Variants in PIEZO1 observed in about 807,000 individuals in gnomAD.
The protein encoded by PIEZO1 is piezo type mechanosensitive ion channel component 1 (Er blood group), also known as piezo-type mechanosensitive ion channel component 1.
PIEZO1 carries 296 observed loss-of-function variants against 297.2 expected under a neutral mutation model. That is an observed-to-expected ratio of 1.00 (90% confidence interval 0.91 to 1.10). PIEZO1 has a LOEUF of 1.10. PIEZO1 is among the 50% of genes least tolerant of loss of function. PIEZO1 has a pLI of 0.00. For synonymous variants in PIEZO1, 2,427 were observed against 1,507.5 expected, an observed-to-expected ratio of 1.61 and a Z score of -14.13; for missense variants, 5,018 against 3,455.5, an observed-to-expected ratio of 1.45 and a Z score of -11.34.
At position 88,735,888 on chromosome 16, in the gene PIEZO1, G is replaced by A. The variant is rs551049384; in HGVS notation, c.1557+260C>T. 7.2e-5 allele frequency among the ~76,000 whole-genome samples: 11 copies of A among 152,208 alleles called. No individual in the cohort carries two copies. In the East Asian group the frequency reaches 1.2e-3, roughly 16 times the overall value. ...GTGTCGGGGCACAGGGGTGGTGCCCGTGCCAACAGAGCCCACGCTCACACA... is the reference window on the plus strand; with the variant it reads ...GTGTCGGGGCACAGGGGTGGTGCCCATGCCAACAGAGCCCACGCTCACACA... On this transcript the variant is annotated intron_variant, in intron 12 of 50. Transcript: ENST00000301015.
chr16:88,732,212 C>T, intron 21 of PIEZO1, 123 bp downstream of exon 21: 1 of 817,774 alleles, frequency 1.2e-6, no homozygotes, highest in Non-Finnish European at 2.0e-6. Flanking sequence ...CCCTGAGTCC[C>T]CCACCCTCTG....
At chr16:88,771,092 G>A (rs1278506296) in intron 1 of PIEZO1, among the ~76,000 whole-genome samples, 1 of 152,192 alleles carries the variant, frequency 6.6e-6, no homozygotes, top group Admixed American at 6.5e-5. Flanking sequence ...TCTCAGTCCC[G>A]GAGAGCCAGA....
chr16:88,737,447 A>C, intron 10 of PIEZO1, 112 bp downstream of exon 10: 1 of 690,298 alleles, frequency 1.4e-6, no homozygotes, highest in Non-Finnish European at 2.4e-6. Flanking sequence ...AGGGGGCGGC[A>C]GGCAGAGGTG....
chr16:88,722,540 C>T (rs544240394), intron 35 of PIEZO1, 43 bp downstream of exon 35: 21 of 1,454,382 alleles, frequency 1.4e-5, no homozygotes, highest in Admixed American at 1.4e-4. Context: ...GATGCCCACA[C>T]ACCAGGGGCA....
At chr16:88,762,473 G>A (rs1376219278) in intron 1 of PIEZO1, among the ~76,000 whole-genome samples, 2 of 152,172 alleles carry the variant, frequency 1.3e-5, no homozygotes, top group Non-Finnish European at 2.9e-5. Flanking sequence ...CCCGGGGACG[G>A]CAGGACCCCC....
intron 2 of PIEZO1, 143 bp downstream of exon 2, chr16:88,749,239 CAA>C (rs112962992): frequency 2.1e-3 from 962 of 448,636 alleles, no homozygotes; most frequent in Non-Finnish European, 2.4e-3. Context: ...GACTCCGTCT[CAA>C]AAAAAAAAAA....
intron 1 of PIEZO1, among the ~76,000 whole-genome samples, chr16:88,751,449 T>C (rs1459233210): frequency 6.6e-6 from 1 of 152,110 alleles, no homozygotes; most frequent in Admixed American, 6.5e-5. Flanking sequence ...AGAATCGCGC[T>C]CGGCGCTGCT....
chr16:88,723,884 T>C lies in PIEZO1; in HGVS notation c.4322A>G (p.Gln1441Arg). Residue 1441 changes from glutamine (Q) to arginine (R), a missense_variant, in exon 31 of 51, where the codon CAG (glutamine) becomes CGG (arginine). By Grantham distance (43) the Gln-to-Arg change is conservative (BLOSUM62 1). Coordinates refer to ENST00000301015, the MANE Select transcript of PIEZO1 (RefSeq NM_001142864.4). ...CTCCCACCTCACCTGGAAGGCACTCTGTGCCGACGGCCTCGGGTCTTCAGG... is the reference window on the plus strand; with the variant it reads ...CTCCCACCTCACCTGGAAGGCACTCCGTGCCGACGGCCTCGGGTCTTCAGG... ...AVPEDPRPSAQSAFQLAYQAW... is the reference protein window; with the variant it reads ...AVPEDPRPSARSAFQLAYQAW... 1 of 1,537,186 alleles carries C rather than the reference T, an allele frequency of 6.5e-7. No homozygotes were observed. The highest frequency in any genetic ancestry group is 8.8e-7 in the Non-Finnish European group (1 of 1,134,866).
intron 13 of PIEZO1, 22 bp from the exon 14 acceptor site, chr16:88,735,075 G>T: frequency 6.5e-7 from 1 of 1,550,146 alleles, no homozygotes; most frequent in Non-Finnish European, 8.7e-7. Context: ...GCCAGGGGCA[G>T]GCGATGGCAT....
chr16:88,731,669 A>G, intron 22 of PIEZO1, 37 bp downstream of exon 22: 1 of 1,517,744 alleles, frequency 6.6e-7, no homozygotes, highest in Non-Finnish European at 8.9e-7. Flanking sequence ...CCACAAAGCC[A>G]CAAAGCCCAC....
intron 30 of PIEZO1, among the ~76,000 whole-genome samples, chr16:88,724,277 T>C (rs1205092247): frequency 6.6e-6 from 1 of 152,202 alleles, no homozygotes; most frequent in African/African-American, 2.4e-5. Context: ...ACGCCTGTAA[T>C]CCCAGCACTG....
At chr16:88,784,644 G>C (rs1008454052) in intron 1 of PIEZO1, among the ~76,000 whole-genome samples, 2 of 151,532 alleles carry the variant, frequency 1.3e-5, no homozygotes, top group Admixed American at 1.3e-4. Flanking sequence ...GCGCTCGCTC[G>C]ACCGCCCCCG....
At chr16:88,765,668 A>ATTTTTTTTTT (rs397966717) in intron 1 of PIEZO1, among the ~76,000 whole-genome samples, 2 of 131,754 alleles carry the variant, frequency 1.5e-5, no homozygotes, top group African/African-American at 5.8e-5. Flanking sequence ...GTTATCTCTA[A>ATTTTTTTTTT]TTTTTTTTTT....
At chr16:88,736,553 C>T in intron 11 of PIEZO1, 86 bp downstream of exon 11, 1 of 956,274 alleles carries the variant, frequency 1.0e-6, no homozygotes, top group Admixed American at 2.9e-5. Flanking sequence ...GGGGGCTGCA[C>T]AGCTGCCCAG....
chr16:88,751,693 T>A (rs1567684582), intron 1 of PIEZO1, among the ~76,000 whole-genome samples: 1 of 147,292 alleles, frequency 6.8e-6, no homozygotes, highest in Admixed American at 6.8e-5. Context: ...AAAAAATCCC[T>A]AAGATCTGGC....
chr16:88,770,305 T>C (rs1265094923), intron 1 of PIEZO1, among the ~76,000 whole-genome samples: 1 of 151,990 alleles, frequency 6.6e-6, no homozygotes, highest in Non-Finnish European at 1.5e-5. Context: ...CGCTCCCCCA[T>C]GACCCGGTCA....
chr16:88,760,620 C>T (rs1906886885), intron 1 of PIEZO1, among the ~76,000 whole-genome samples: 1 of 152,052 alleles, frequency 6.6e-6, no homozygotes, highest in East Asian at 1.9e-4. Context: ...CCAGGACAGG[C>T]AGGGGCCCGA....
Position 88,736,704 on chromosome 16 carries a change from G to A in PIEZO1, c.1231C>T (p.Pro411Ser). The A allele has an allele frequency of 6.5e-7, 1 of 1,532,906 alleles. No homozygotes were observed. The highest frequency in any genetic ancestry group is 8.7e-7 in the Non-Finnish European group (1 of 1,145,584). The allele number at this position is 1,532,906 out of a possible 1,614,324, so 95.0% of individuals were successfully genotyped here. The part of the protein sequence containing the change: ...PKRAEPREAS[P>S]LHSLGHLIMD... ...ATGAGGTGGCCCAGGCTGTGGAGCG[G>A]AGACGCCTCCCTGGGCTCAGCCCGC... Residue 411 changes from proline (P) to serine (S), a missense_variant, in exon 11 of 51, where the codon CCG becomes TCG. Pro to Ser is a moderately conservative substitution (Grantham distance 74). Transcript: ENST00000301015.
At chr16:88,730,686 C>A (rs1459597051) in intron 22 of PIEZO1, among the ~76,000 whole-genome samples, 1 of 152,004 alleles carries the variant, frequency 6.6e-6, no homozygotes, top group Non-Finnish European at 1.5e-5. Context: ...CCTGCCTCAG[C>A]CTCCCAAAGT....
Sources: allele counts gnomAD v4.1 joint callset (sites outside exome capture counted in the v4.1 genomes callset), GRCh38; gene constraint gnomAD v4.1.1; transcripts MANE v1.5; gene names NCBI Gene and HGNC (gene_info 2026-07-23, HGNC 2026-07-21).